The following PTH2R variants were observed in gnomAD, a reference collection of about 807,000 sequenced individuals.
The protein encoded by PTH2R is PTH2 receptor.
In PTH2R, 59 loss-of-function variants were observed where a neutral mutation model predicts 60.3. The observed-to-expected ratio is 0.98, with a 90% CI of 0.79 to 1.22. The LOEUF (loss-of-function observed/expected upper bound fraction) is 1.22. PTH2R is among the 50% of genes most tolerant of loss of function. PTH2R has a pLI of 0.00. For synonymous variants in PTH2R, 256 were observed against 243.8 expected (o/e 1.05, Z -0.47); for missense variants, 749 against 682.6 (o/e 1.10, Z -1.08).
chr2:208,489,275 G>A (rs939277163), intron 11 of PTH2R, 125 bp downstream of exon 11: 1 of 1,198,730 alleles, frequency 8.3e-7, no homozygotes, highest in Admixed American at 2.4e-5. Flanking sequence ...GTTGGGGGGT[G>A]CAGAAAGGTC....
chr2:208,365,947 TA>T (rs1700576166), intron 1 of PTH2R, among the ~76,000 whole-genome samples: 1 of 19,804 alleles, frequency 5.0e-5, no homozygotes, highest in African/African-American at 1.5e-4. Flanking sequence ...TATATATATA[TA>T]TATATATATA....
chr2:208,433,928 G>A (rs1373940877), intron 2 of PTH2R, among the ~76,000 whole-genome samples: 2 of 152,320 alleles, frequency 1.3e-5, no homozygotes, highest in South Asian at 4.1e-4. Context: ...GAGATGGGGA[G>A]CCATTAGTCA....
At chr2:208,394,755 T>C (rs1228707648) in intron 1 of PTH2R, among the ~76,000 whole-genome samples, 2 of 152,314 alleles carry the variant, frequency 1.3e-5, no homozygotes, top group African/African-American at 4.8e-5. Context: ...CTAAAGCATT[T>C]ACCCTTAGAA....
At chr2:208,481,696 A>G (rs1703156840) in intron 10 of PTH2R, among the ~76,000 whole-genome samples, 1 of 152,228 alleles carries the variant, frequency 6.6e-6, no homozygotes, top group African/African-American at 2.4e-5. Context: ...ATCTGTTTTT[A>G]GCAGATTGGG....
intron 1 of PTH2R, among the ~76,000 whole-genome samples, chr2:208,424,511 A>G (rs977166580): frequency 1.7e-4 from 26 of 152,188 alleles, no homozygotes; most frequent in African/African-American, 6.3e-4. Flanking sequence ...CCAAGGCTTG[A>G]CATAAGTTAC....
At chr2:208,424,159 G>A (rs1177045131) in intron 1 of PTH2R, among the ~76,000 whole-genome samples, 10 of 152,184 alleles carry the variant, frequency 6.6e-5, no homozygotes, top group African/African-American at 2.4e-4. Context: ...CAGGAGGGGT[G>A]GAAGTCCAGG....
intron 2 of PTH2R, among the ~76,000 whole-genome samples, chr2:208,436,066 C>T (rs74515198): frequency 0.015 from 2,346 of 152,172 alleles, 25 homozygotes; most frequent in Non-Finnish European, 0.024. Flanking sequence ...GGTGCATTCC[C>T]GGAATGTGGC....
At position 208,360,290 on chromosome 2, in the gene PTH2R, G is replaced by A. The variant is rs1700427914; in HGVS notation, c.-259+53G>A. On this transcript the variant is annotated intron_variant, in intron 1 of 12. Transcript: ENST00000617735. ...CGCCTTCTGCGTGAGCAGCCCCTAC[G>A]GGGTCTCCTACTGGTCCCTAGGAAC... The A allele has an allele frequency of 2.5e-5, 10 of 397,242 alleles. 1 individual carries two copies. The highest frequency in any genetic ancestry group is 1.5e-4 in the South Asian group (8 of 54,758). The allele number at this position is 397,242 out of a possible 1,614,324, so 24.6% of individuals were successfully genotyped here. A position where few individuals can be genotyped will look rare whatever the true frequency, so the allele number is the denominator to read the frequency against.
intron 1 of PTH2R, among the ~76,000 whole-genome samples, chr2:208,412,083 C>T (rs981315740): frequency 8.5e-5 from 13 of 152,200 alleles, no homozygotes; most frequent in African/African-American, 2.4e-4. Flanking sequence ...TTATTTCTTA[C>T]GGCTTCTTCT....
In PTH2R at chr2:208,493,358, T is replaced by C; in HGVS notation, c.1352T>C (p.Val451Ala). The C allele has an allele frequency of 6.2e-7, 1 of 1,600,334 alleles. No individual in the cohort carries two copies. The highest frequency in any genetic ancestry group is 8.5e-7 in the Non-Finnish European group (1 of 1,171,026). Reference sequence around the variant, plus strand: ...TGTGGCAGCCGCAGATGCGGCTCAGTGCTCACCACCGTGACGCACAGCACC... The same window carrying C: ...TGTGGCAGCCGCAGATGCGGCTCAGCGCTCACCACCGTGACGCACAGCACC... ...PPCGSRRCGS[V>A]LTTVTHSTSS... The change falls in exon 13 of 13, where the codon GTG (valine) becomes GCG (alanine). Residue 451 changes from valine to alanine, a missense_variant. By Grantham distance (64) the Val-to-Ala change is moderately conservative. Transcript: ENST00000272847.
Position 208,493,785 on chromosome 2 carries a change from T to C in PTH2R, c.*126T>C. 1 of 1,115,576 alleles carries C rather than the reference T, an allele frequency of 9.0e-7. No homozygotes were observed. The highest frequency in any genetic ancestry group is 2.6e-5 in the East Asian group (1 of 38,388). The allele number at this position is 1,115,576 out of a possible 1,614,324, so 69.1% of individuals were successfully genotyped here. On this transcript the variant is annotated 3_prime_UTR_variant, in exon 13 of 13. Coordinates refer to ENST00000272847, the MANE Select transcript of PTH2R (RefSeq NM_005048.4). ...AGTTAAGGTGTTACTTAATAATAGT[T>C]TTTAGGCTCCATGAATTGGCTCCTG... is the stretch of plus-strand genomic sequence containing the variant.
At chr2:208,461,230 G>T (rs1009199922) in intron 9 of PTH2R, among the ~76,000 whole-genome samples, 1 of 152,016 alleles carries the variant, frequency 6.6e-6, no homozygotes, top group Non-Finnish European at 1.5e-5. Context: ...TGGCTTAAAT[G>T]TATAAACACC....
intron 1 of PTH2R, among the ~76,000 whole-genome samples, chr2:208,423,362 G>A (rs1256637490): frequency 6.6e-6 from 1 of 152,098 alleles, no homozygotes; most frequent in East Asian, 1.9e-4. Context: ...GTTTAGAAGT[G>A]TGTTTAGTTT....
At chr2:208,392,348 A>G (rs1701122826) in intron 1 of PTH2R, among the ~76,000 whole-genome samples, 1 of 152,140 alleles carries the variant, frequency 6.6e-6, no homozygotes, top group Non-Finnish European at 1.5e-5. Context: ...GTTATTAATA[A>G]TGGCTTCTAG....
At chr2:208,387,409 A>G (rs931847395) in intron 1 of PTH2R, among the ~76,000 whole-genome samples, 29 of 152,336 alleles carry the variant, frequency 1.9e-4, no homozygotes, top group African/African-American at 6.7e-4. Context: ...TTGAACAGGC[A>G]GTTACTGACT....
chr2:208,459,760 G>A (rs1702594932), intron 8 of PTH2R, 135 bp from the exon 9 acceptor site: 4 of 726,680 alleles, frequency 5.5e-6, no homozygotes, highest in Non-Finnish European at 9.4e-6. Flanking sequence ...GGTGTTTTAA[G>A]ATAAGATTTC....
intron 1 of PTH2R, among the ~76,000 whole-genome samples, chr2:208,413,856 C>G (rs755147982): frequency 1.3e-5 from 2 of 152,166 alleles, no homozygotes; most frequent in African/African-American, 4.8e-5. Flanking sequence ...CTCTTGCAGA[C>G]TAAGAGTATT....
At chr2:208,489,213 T>G in intron 11 of PTH2R, 63 bp downstream of exon 11, 1 of 1,597,814 alleles carries the variant, frequency 6.3e-7, no homozygotes, top group East Asian at 2.2e-5. Flanking sequence ...TTTTGGTCAC[T>G]TACAACCTTT....
At chr2:208,437,155 A>G (rs1296702359) in intron 2 of PTH2R, among the ~76,000 whole-genome samples, 1 of 152,194 alleles carries the variant, frequency 6.6e-6, no homozygotes, top group Non-Finnish European at 1.5e-5. Context: ...TGATCTTTAA[A>G]AACAGTTTTC....
Sources: gnomAD v4.1 joint callset for allele counts (sites outside exome capture counted in the v4.1 genomes callset) on GRCh38, gnomAD v4.1.1 for gene constraint, MANE v1.5 for transcripts, NCBI Gene and HGNC (gene_info 2026-07-23, HGNC 2026-07-21) for gene names.